The following SLX4IP variants were observed in gnomAD, a reference collection of about 807,000 sequenced individuals.
SLX4IP encodes the protein protein SLX4IP.
A neutral mutation model predicts 32.9 loss-of-function variants in SLX4IP; 34 were observed. That is an observed-to-expected ratio of 1.03 (90% confidence interval 0.79 to 1.38). The LOEUF (loss-of-function observed/expected upper bound fraction) is 1.38, where lower values mean the gene tolerates loss of function less well. Among genes scored for constraint, SLX4IP ranks in the 40% most tolerant of loss-of-function variants. The pLI, the probability that SLX4IP is intolerant of heterozygous loss-of-function variation, is 0.00. For missense variants in SLX4IP, 444 were observed against 479.0 expected (o/e 0.93, Z 0.68); for synonymous variants, 172 against 171.7 (o/e 1.00, Z -0.01).
At chr20:10,466,785 AG>A (rs2065384300) in intron 2 of SLX4IP, among the ~76,000 whole-genome samples, 1 of 151,912 alleles carries the variant, frequency 6.6e-6, no homozygotes, top group South Asian at 2.1e-4. Context: ...GGGAAGCTTG[AG>A]TCGTTTTCTG....
intron 4 of SLX4IP, among the ~76,000 whole-genome samples, chr20:10,598,424 C>T (rs938742264): frequency 3.3e-5 from 5 of 152,146 alleles, no homozygotes; most frequent in African/African-American, 1.2e-4. Context: ...CCACCTCACC[C>T]GGCTAGTTTT....
intron 6 of SLX4IP, among the ~76,000 whole-genome samples, chr20:10,602,285 C>CCTCTCT (rs141021766): frequency 6.8e-6 from 1 of 147,508 alleles, no homozygotes; most frequent in African/African-American, 2.5e-5. Context: ...TCATTTTCTC[C>CCTCTCT]CTCTCTCTCT....
intron 2 of SLX4IP, among the ~76,000 whole-genome samples, chr20:10,549,557 G>A (rs2066198295): frequency 6.6e-6 from 1 of 152,220 alleles, no homozygotes; most frequent in Non-Finnish European, 1.5e-5. Flanking sequence ...AGGCTAGACA[G>A]CCTAAACGTG....
At chr20:10,507,921 C>T (rs1036599362) in intron 2 of SLX4IP, among the ~76,000 whole-genome samples, 1 of 132,056 alleles carries the variant, frequency 7.6e-6, no homozygotes. Flanking sequence ...TATATATATA[C>T]ATATATGTAT....
At chr20:10,469,201 C>T (rs940379875) in intron 2 of SLX4IP, among the ~76,000 whole-genome samples, 11 of 152,158 alleles carry the variant, frequency 7.2e-5, no homozygotes, top group Admixed American at 2.6e-4. Flanking sequence ...CAAGTTTCTT[C>T]GTCTTGGCTC....
At chr20:10,443,095 T>G (rs942368150) in intron 1 of SLX4IP, among the ~76,000 whole-genome samples, 1 of 152,212 alleles carries the variant, frequency 6.6e-6, no homozygotes, top group Admixed American at 6.5e-5. Flanking sequence ...TGATTATATA[T>G]AACTGAAGTA....
chr20:10,454,253 T>G (rs564693960), intron 1 of SLX4IP, among the ~76,000 whole-genome samples: 1 of 152,326 alleles, frequency 6.6e-6, no homozygotes, highest in Non-Finnish European at 1.5e-5. Context: ...GGATGTGGAC[T>G]TCACTTAAGA....
chr20:10,526,713 G>C (rs2122457160), intron 2 of SLX4IP, among the ~76,000 whole-genome samples: 1 of 152,344 alleles, frequency 6.6e-6, no homozygotes, highest in East Asian at 1.9e-4. Context: ...CACTTTGGGA[G>C]GCTGAGGTGG....
intron 1 of SLX4IP, among the ~76,000 whole-genome samples, chr20:10,451,369 C>T (rs2065240721): frequency 6.6e-6 from 1 of 152,008 alleles, no homozygotes; most frequent in Non-Finnish European, 1.5e-5. Flanking sequence ...CCATGTTGGC[C>T]AGGCTGGTCT....
chr20:10,528,059 G>A (rs1464588391), intron 2 of SLX4IP, among the ~76,000 whole-genome samples: 1 of 152,044 alleles, frequency 6.6e-6, no homozygotes, highest in Non-Finnish European at 1.5e-5. Context: ...CAGGCCTGGT[G>A]GTTCCACCTT....
chr20:10,474,680 C>T (rs747257657), intron 2 of SLX4IP, among the ~76,000 whole-genome samples: 56 of 152,368 alleles, frequency 3.7e-4, no homozygotes, highest in Middle Eastern at 6.8e-3. Context: ...TTCCGCCGGC[C>T]GCCTTGTTCA....
chr20:10,452,259 G>GGTGGCTCC (rs2065247383), intron 1 of SLX4IP, among the ~76,000 whole-genome samples: 1 of 152,066 alleles, frequency 6.6e-6, no homozygotes, highest in South Asian at 2.1e-4. Flanking sequence ...GGCAGGGCGT[G>GGTGGCTCC]GTGGCTCCCA....
At chr20:10,605,317 G>A (rs911145735) in intron 6 of SLX4IP, among the ~76,000 whole-genome samples, 1 of 152,112 alleles carries the variant, frequency 6.6e-6, no homozygotes, top group African/African-American at 2.4e-5. Context: ...CTCTATACTG[G>A]GAACTCTGGT....
At chr20:10,609,456 G>A (rs1317158255) in intron 6 of SLX4IP, among the ~76,000 whole-genome samples, 1 of 152,212 alleles carries the variant, frequency 6.6e-6, no homozygotes, top group Non-Finnish European at 1.5e-5. Context: ...AATGGCAAGA[G>A]CTATTCCTTC....
At chr20:10,549,944 T>C (rs1287525032) in intron 2 of SLX4IP, among the ~76,000 whole-genome samples, 1 of 152,248 alleles carries the variant, frequency 6.6e-6, no homozygotes, top group Non-Finnish European at 1.5e-5. Context: ...AAATATTTAA[T>C]ATGTTTTCTA....
At chr20:10,568,213 A>G (rs1047741115) in intron 4 of SLX4IP, among the ~76,000 whole-genome samples, 2 of 152,234 alleles carry the variant, frequency 1.3e-5, no homozygotes, top group African/African-American at 4.8e-5. Flanking sequence ...GTGCTGTGTA[A>G]GTCCTATCAT....
intron 4 of SLX4IP, among the ~76,000 whole-genome samples, chr20:10,567,117 A>G (rs928072597): frequency 2.0e-5 from 3 of 152,120 alleles, no homozygotes; most frequent in African/African-American, 4.8e-5. Context: ...ACATTCATCC[A>G]TGCCTCCATG....
At chr20:10,597,704 A>G (rs1411085174) in intron 4 of SLX4IP, among the ~76,000 whole-genome samples, 1 of 152,160 alleles carries the variant, frequency 6.6e-6, no homozygotes, top group Non-Finnish European at 1.5e-5. Context: ...GGTTGAGACT[A>G]TTGTGAAGAG....
At chr20:10,505,932 A>AT (rs2122420646) in intron 2 of SLX4IP, among the ~76,000 whole-genome samples, 2 of 152,198 alleles carry the variant, frequency 1.3e-5, no homozygotes, top group South Asian at 4.1e-4. Flanking sequence ...AGTTTATTGC[A>AT]TGCTGCTCCA....
Sources: gnomAD v4.1 joint callset for allele counts (sites outside exome capture counted in the v4.1 genomes callset) on GRCh38, gnomAD v4.1.1 for gene constraint, MANE v1.5 for transcripts, NCBI Gene and HGNC (gene_info 2026-07-23, HGNC 2026-07-21) for gene names.